MCTP1: variants seen among roughly 807,000 people sequenced by gnomAD.
MCTP1 encodes the protein multiple C2 and transmembrane domain containing 1.
In MCTP1, 69 loss-of-function variants were observed where a neutral mutation model predicts 120.6. The ratio of observed to expected loss-of-function variants is 0.57; its 90% CI spans 0.47 to 0.70. The LOEUF is 0.70. MCTP1 is among the 30% of genes least tolerant of loss of function. The pLI is 0.00. For synonymous variants in MCTP1, 529 were observed against 493.1 expected (o/e 1.07, Z -0.96); for missense variants, 1,203 against 1,248.8 (o/e 0.96, Z 0.55).
At chr5:94,964,749 C>A (rs1187666440) in intron 2 of MCTP1, among the ~76,000 whole-genome samples, 4 of 152,032 alleles carry the variant, frequency 2.6e-5, no homozygotes, top group African/African-American at 9.7e-5. Context: ...TGAAGTAAGT[C>A]TCTTGTAGGT....
chr5:94,886,577 A>G (rs942804901), intron 12 of MCTP1, among the ~76,000 whole-genome samples: 1 of 152,244 alleles, frequency 6.6e-6, no homozygotes, highest in Admixed American at 6.5e-5. Flanking sequence ...CATTTGTACC[A>G]TGTTAGAAAA....
rs1224625644 is a variant in MCTP1, at chr5:94,990,408, T to G, written c.838+26959A>C. 2.0e-5 allele frequency among the ~76,000 whole-genome samples: 3 copies of G among 152,222 alleles called. No individual in the cohort carries two copies. In the East Asian group the frequency reaches 5.8e-4, roughly 29 times the overall value. On this transcript the variant is annotated intron_variant, in intron 2 of 22. Coordinates refer to ENST00000515393, the MANE Select transcript of MCTP1 (RefSeq NM_024717.7). ...GATCTTGGCCCAGGCTCATTCAGGT[T>G]ATGGCAGAATTCAGTTCTTTACGGT... is the stretch of plus-strand genomic sequence containing the variant.
chr5:95,081,445 A>C (rs775804490), intron 1 of MCTP1: 1 of 1,611,966 alleles, frequency 6.2e-7, no homozygotes, highest in Non-Finnish European at 8.5e-7. Context: ...AATAAATGGC[A>C]AATTGCAGGC....
In MCTP1 at chr5:94,896,621, T is replaced by G. The variant is rs111586528; in HGVS notation, c.1653-1786A>C. On this transcript the variant is annotated intron_variant, in intron 10 of 22. Coordinates refer to ENST00000515393, the MANE Select transcript of MCTP1 (RefSeq NM_024717.7). ...AATGCTTTACAGGTGGGGAAACTGC[T>G]CTCAAGATTATATAAATTAGGCTTT... 5.3e-5 allele frequency among the ~76,000 whole-genome samples: 8 copies of G among 152,320 alleles called. 1 individual carries two copies. The highest frequency in any genetic ancestry group is 1.4e-4 in the African/African-American group (6 of 41,568).
intron 1 of MCTP1, among the ~76,000 whole-genome samples, chr5:95,184,261 T>C (rs143858119): frequency 6.3e-4 from 96 of 152,182 alleles, no homozygotes; most frequent in South Asian, 2.5e-3. Flanking sequence ...CAAAAGGAAA[T>C]ACGTGTCCAC....
intron 1 of MCTP1, among the ~76,000 whole-genome samples, chr5:95,104,251 TA>T (rs1756943119): frequency 6.6e-6 from 1 of 152,220 alleles, no homozygotes; most frequent in Non-Finnish European, 1.5e-5. Flanking sequence ...AATAGCTGTC[TA>T]AACGCAGTTA....
At chr5:94,791,984 G>A (rs1019205431) in intron 18 of MCTP1, 1 of 152,426 alleles carries the variant, frequency 6.6e-6, no homozygotes, top group Non-Finnish European at 1.5e-5. Context: ...GAGGAGCCCC[G>A]AAGACCATCC....
At chr5:94,892,121 C>T (rs1335890685) in intron 11 of MCTP1, among the ~76,000 whole-genome samples, 1 of 152,162 alleles carries the variant, frequency 6.6e-6, no homozygotes, top group African/African-American at 2.4e-5. Context: ...TCGAGATGCT[C>T]TGAGGGGCCA....
chr5:94,752,504 C>T (rs987350549), intron 19 of MCTP1, among the ~76,000 whole-genome samples: 22 of 152,036 alleles, frequency 1.4e-4, no homozygotes, highest in African/African-American at 5.1e-4. Context: ...ACTCAGGTGC[C>T]TAAGGACCAC....
chr5:94,952,214 T>C (rs1820817424), intron 3 of MCTP1, among the ~76,000 whole-genome samples: 1 of 145,106 alleles, frequency 6.9e-6, no homozygotes, highest in African/African-American at 2.6e-5. Context: ...TGATTTTCTT[T>C]AGCCAGTGTC....
intron 2 of MCTP1, among the ~76,000 whole-genome samples, chr5:94,972,237 A>G (rs779490416): frequency 4.9e-4 from 74 of 152,246 alleles, no homozygotes; most frequent in Non-Finnish European, 7.8e-4. Flanking sequence ...CAGTATTCAA[A>G]GCTTCTCCTT....
chr5:94,885,945 T>C (rs1801239826), intron 12 of MCTP1, among the ~76,000 whole-genome samples: 1 of 152,126 alleles, frequency 6.6e-6, no homozygotes, highest in Admixed American at 6.5e-5. Flanking sequence ...TGTGTGGGAG[T>C]TGTAAATTGA....
chr5:94,845,799 T>G (rs935580822), intron 17 of MCTP1, among the ~76,000 whole-genome samples: 5 of 152,138 alleles, frequency 3.3e-5, no homozygotes, highest in African/African-American at 1.2e-4. Flanking sequence ...TGACCAACCC[T>G]CCTTGGCCTT....
chr5:94,893,837 C>T (rs915424395), intron 11 of MCTP1, among the ~76,000 whole-genome samples: 42 of 152,136 alleles, frequency 2.8e-4, no homozygotes, highest in Admixed American at 2.7e-3. Flanking sequence ...AAACACCTGG[C>T]GGCACTGTAC....
At chr5:94,962,442 TC>T in intron 2 of MCTP1, among the ~76,000 whole-genome samples, 1 of 149,906 alleles carries the variant, frequency 6.7e-6, no homozygotes, top group Non-Finnish European at 1.5e-5. Flanking sequence ...TATATATATA[TC>T]ATATATTGTA....
intron 1 of MCTP1, among the ~76,000 whole-genome samples, chr5:95,171,913 C>T (rs577876614): frequency 1.3e-4 from 20 of 152,286 alleles, no homozygotes; most frequent in South Asian, 8.3e-4. Flanking sequence ...CTCAACTCGT[C>T]AAAGTCATTC....
intron 1 of MCTP1, among the ~76,000 whole-genome samples, chr5:95,144,700 A>C (rs984507984): frequency 2.6e-5 from 4 of 152,146 alleles, no homozygotes; most frequent in Non-Finnish European, 5.9e-5. Context: ...AGCTTTGTCA[A>C]TGATCAGATG....
intron 1 of MCTP1, among the ~76,000 whole-genome samples, chr5:95,211,253 A>G (rs1300133927): frequency 3.9e-5 from 6 of 152,080 alleles, no homozygotes; most frequent in African/African-American, 1.4e-4. Context: ...TCTCCTGGAT[A>G]ATATCCTGCA....
At chr5:95,243,038 G>A (rs1756345778) in intron 1 of MCTP1, among the ~76,000 whole-genome samples, 1 of 152,128 alleles carries the variant, frequency 6.6e-6, no homozygotes, top group Non-Finnish European at 1.5e-5. Context: ...CCAGCACTAG[G>A]AGGGACACAG....
Sources: gnomAD v4.1 joint callset for allele counts (sites outside exome capture counted in the v4.1 genomes callset) on GRCh38, gnomAD v4.1.1 for gene constraint, MANE v1.5 for transcripts, NCBI Gene and HGNC (gene_info 2026-07-23, HGNC 2026-07-21) for gene names.